Variants in TRIP12 observed in about 807,000 individuals in gnomAD.
TRIP12 encodes the protein E3 ubiquitin-protein ligase TRIP12.
In TRIP12, 25 loss-of-function variants were observed where a neutral mutation model predicts 244.2. The ratio of observed to expected loss-of-function variants is 0.10; its 90% CI spans 0.07 to 0.14. The LOEUF is 0.14. TRIP12 is among the 10% of genes least tolerant of loss of function. The pLI is 1.00. For synonymous variants in TRIP12, 905 were observed against 873.1 expected, an observed-to-expected ratio of 1.04 and a Z score of -0.64; for missense variants, 1,677 against 2,486.4, an observed-to-expected ratio of 0.67 and a Z score of 6.92.
At position 229,870,504 on chromosome 2, in the gene TRIP12, A is replaced by G. The variant is rs1388897999; in HGVS notation, c.98+9478T>C. On this transcript the variant is annotated intron_variant, in intron 2 of 41. Coordinates refer to ENST00000675903, the MANE Select transcript of TRIP12 (RefSeq NM_001348323.3). ...AATGTTACAGTGCTTTGGGATCTGT[A>G]TAAGATTTCTAAGACTGGAAAAGAG... 3.3e-5 allele frequency among the ~76,000 whole-genome samples: 5 copies of G among 152,358 alleles called. No homozygotes were observed. In the South Asian group the frequency reaches 6.2e-4, roughly 19 times the overall value.
chr2:229,862,937 C>T (rs1387603408), intron 2 of TRIP12, among the ~76,000 whole-genome samples: 3 of 152,106 alleles, frequency 2.0e-5, no homozygotes. Context: ...GGCTTAAATT[C>T]AGCAATGCCC....
At chr2:229,901,614 C>T (rs1009268977) in intron 1 of TRIP12, among the ~76,000 whole-genome samples, 1 of 32,112 alleles carries the variant, frequency 3.1e-5, no homozygotes, top group African/African-American at 7.2e-5. Flanking sequence ...CAGAATGAGA[C>T]TGTCTGAAAA....
chr2:229,910,888 A>G (rs1307321081), intron 1 of TRIP12, among the ~76,000 whole-genome samples: 1 of 152,160 alleles, frequency 6.6e-6, no homozygotes, highest in Non-Finnish European at 1.5e-5. Context: ...TAATTAGTAA[A>G]TAGGTCTGAT....
At chr2:229,877,731 T>C (rs2063886709) in intron 2 of TRIP12, among the ~76,000 whole-genome samples, 1 of 152,182 alleles carries the variant, frequency 6.6e-6, no homozygotes, top group Non-Finnish European at 1.5e-5. Flanking sequence ...TACAAGTTAC[T>C]TACATGCACA....
chr2:229,904,564 T>C (rs1189338975), intron 1 of TRIP12, among the ~76,000 whole-genome samples: 1 of 152,040 alleles, frequency 6.6e-6, no homozygotes, highest in Non-Finnish European at 1.5e-5. Flanking sequence ...AAAAGCAATA[T>C]GATCTGCTAT....
intron 1 of TRIP12, 94 bp from the exon 2 acceptor site, chr2:229,880,222 T>A: frequency 1.3e-6 from 1 of 758,712 alleles, no homozygotes; most frequent in Non-Finnish European, 2.1e-6. Flanking sequence ...GGAAATTTTC[T>A]GCAAACTATC....
intron 21 of TRIP12, among the ~76,000 whole-genome samples, chr2:229,801,979 G>C (rs2044488933): frequency 6.6e-6 from 1 of 152,156 alleles, no homozygotes; most frequent in African/African-American, 2.4e-5. Flanking sequence ...AGTAACATAA[G>C]TGTGTAACAC....
chr2:229,912,580 G>A (rs909167379), intron 1 of TRIP12, among the ~76,000 whole-genome samples: 3 of 152,026 alleles, frequency 2.0e-5, no homozygotes, highest in African/African-American at 7.2e-5. Flanking sequence ...CAAACAATCA[G>A]GGCCAGTTTA....
At chr2:229,892,123 G>A (rs1441791159) in intron 1 of TRIP12, among the ~76,000 whole-genome samples, 2 of 152,176 alleles carry the variant, frequency 1.3e-5, no homozygotes, top group African/African-American at 2.4e-5. Flanking sequence ...CAATTGGAAA[G>A]AGAAAATAAA....
intron 1 of TRIP12, among the ~76,000 whole-genome samples, chr2:229,919,610 A>G (rs1426948064): frequency 1.3e-5 from 2 of 152,178 alleles, no homozygotes; most frequent in Non-Finnish European, 1.5e-5. Flanking sequence ...TTTGAAAGTA[A>G]ATGAAAAAAA....
intron 24 of TRIP12, among the ~76,000 whole-genome samples, chr2:229,797,151 C>T (rs1338060037): frequency 2.0e-5 from 3 of 152,176 alleles, no homozygotes; most frequent in Non-Finnish European, 4.4e-5. Flanking sequence ...TAAATTAATA[C>T]ATTTAAGGTC....
At chr2:229,898,514 T>A (rs1188979817) in intron 1 of TRIP12, among the ~76,000 whole-genome samples, 2 of 152,134 alleles carry the variant, frequency 1.3e-5, no homozygotes, top group Admixed American at 6.5e-5. Context: ...GAATTAGAAC[T>A]CCAGTCGCCT....
intron 15 of TRIP12, 21 bp downstream of exon 15, chr2:229,810,859 G>T: frequency 1.2e-6 from 2 of 1,611,252 alleles, no homozygotes; most frequent in Non-Finnish European, 1.7e-6. Flanking sequence ...GCTTAAAGTA[G>T]AACAGTAAAT....
intron 4 of TRIP12, among the ~76,000 whole-genome samples, chr2:229,842,005 T>C (rs938498558): frequency 1.3e-5 from 2 of 152,212 alleles, no homozygotes; most frequent in African/African-American, 2.4e-5. Flanking sequence ...GGAGAGTTGC[T>C]AAGTGAAAAA....
At chr2:229,831,626 G>C (rs2053411682) in intron 6 of TRIP12, among the ~76,000 whole-genome samples, 2 of 152,146 alleles carry the variant, frequency 1.3e-5, no homozygotes, top group Admixed American at 1.3e-4. Flanking sequence ...GCCAGACTCT[G>C]TCTCAAAACA....
chr2:229,869,623 T>C (rs1264194088), intron 2 of TRIP12, among the ~76,000 whole-genome samples: 1 of 152,206 alleles, frequency 6.6e-6, no homozygotes, highest in African/African-American at 2.4e-5. Flanking sequence ...CCCTCATTTC[T>C]ATAACTACTA....
intron 9 of TRIP12, among the ~76,000 whole-genome samples, chr2:229,815,526 C>T (rs753951884): frequency 1.3e-5 from 2 of 152,174 alleles, no homozygotes; most frequent in Non-Finnish European, 2.9e-5. Context: ...GAGTATGCTG[C>T]TAGATAACCA....
chr2:229,767,860 T>C, intron 41 of TRIP12, 110 bp from the exon 42 acceptor site: 1 of 1,143,552 alleles, frequency 8.7e-7, no homozygotes, highest in Non-Finnish European at 1.2e-6. Flanking sequence ...ATATTCTTTC[T>C]TGCTTGGCAA....
chr2:229,865,342 A>C (rs2061342294), intron 2 of TRIP12, among the ~76,000 whole-genome samples: 1 of 26,890 alleles, frequency 3.7e-5, no homozygotes, highest in African/African-American at 1.3e-4. Flanking sequence ...AAAAAAAAAA[A>C]AGAAAGAAAG....
Sources: gnomAD v4.1 joint callset for allele counts (sites outside exome capture counted in the v4.1 genomes callset) on GRCh38, gnomAD v4.1.1 for gene constraint, MANE v1.5 for transcripts, NCBI Gene and HGNC (gene_info 2026-07-23, HGNC 2026-07-21) for gene names.